Variants in FKBP6 observed in about 807,000 individuals in gnomAD.
The protein encoded by FKBP6 is inactive peptidyl-prolyl cis-trans isomerase FKBP6.
In FKBP6, 29 loss-of-function variants were observed where a neutral mutation model predicts 41.7. The observed-to-expected ratio is 0.70, with a 90% CI of 0.52 to 0.95. The LOEUF (loss-of-function observed/expected upper bound fraction) is 0.95. Among genes scored for constraint, FKBP6 ranks in the 40% least tolerant of loss-of-function variants. The probability of loss-of-function intolerance (pLI) is 0.00; values close to 1 mark genes in which losing one functional copy is unlikely to be tolerated. For missense variants in FKBP6, 338 were observed against 408.7 expected, an observed-to-expected ratio of 0.83 and a Z score of 1.49; for synonymous variants, 130 against 165.1, an observed-to-expected ratio of 0.79 and a Z score of 1.63.
rs1451400518 is a variant in FKBP6 at position 73,358,416 on chromosome 7, A to C, written c.*238A>C. On this transcript the variant is annotated 3_prime_UTR_variant, in exon 9 of 9. Coordinates refer to ENST00000252037, the MANE Select transcript of FKBP6 (RefSeq NM_003602.5). Reference sequence around the variant, plus strand: ...AGCTACTGACAAGTAGAACACTGCTACTTTTTTTAAGGCAGTTTCTTGTTT... The same window carrying C: ...AGCTACTGACAAGTAGAACACTGCTCCTTTTTTTAAGGCAGTTTCTTGTTT... 5 of 152,520 alleles carry C rather than the reference A, an allele frequency of 3.3e-5. No individual in the cohort carries two copies. Among genetic ancestry groups the C allele is most frequent in the Non-Finnish European group, 7.4e-5 (5 of 68,010 alleles). The allele number at this position is 152,520 out of a possible 1,614,324, so 9.4% of individuals were successfully genotyped here.
chr7:73,331,684 A>G lies in FKBP6; in HGVS notation c.496A>G (p.Lys166Glu). The G allele has an allele frequency of 3.7e-6, 6 of 1,613,334 alleles. No individual in the cohort carries two copies. The highest frequency in any genetic ancestry group is 5.1e-6 in the Non-Finnish European group (6 of 1,179,298). The part of the protein sequence containing the change: ...AEQQDQFPLQ[K>E]VLKVAATERE... ...GCAGCAAGACCAATTTCCACTTCAGAAGGTCCTGAAAGTGGCAGCTACGGA... is the reference window on the plus strand; with the variant it reads ...GCAGCAAGACCAATTTCCACTTCAGGAGGTCCTGAAAGTGGCAGCTACGGA... The change falls in exon 5 of 9, where the codon AAG (lysine) becomes GAG (glutamate). Residue 166 changes from lysine (K) to glutamate (E), a missense_variant. By Grantham distance (56) the Lys-to-Glu change is moderately conservative. Transcript: ENST00000252037.
At chr7:73,333,302 C>T (rs185420794) in intron 5 of FKBP6, among the ~76,000 whole-genome samples, 4 of 152,034 alleles carry the variant, frequency 2.6e-5, no homozygotes, top group East Asian at 1.9e-4. Flanking sequence ...ACCACACATG[C>T]GTGTGCTGTC....
chr7:73,342,523 C>G (rs1446835642), intron 7 of FKBP6, among the ~76,000 whole-genome samples: 1 of 152,136 alleles, frequency 6.6e-6, no homozygotes, highest in African/African-American at 2.4e-5. Flanking sequence ...GGTGAGGGGT[C>G]GTTTGGCGAG....
At chr7:73,331,186 T>C (rs1804829739) in intron 4 of FKBP6, among the ~76,000 whole-genome samples, 1 of 152,178 alleles carries the variant, frequency 6.6e-6, no homozygotes, top group Non-Finnish European at 1.5e-5. Context: ...GGGCAGAGCA[T>C]CATGACCATA....
At chr7:73,356,842 G>A (rs1019142650) in intron 8 of FKBP6, among the ~76,000 whole-genome samples, 25 of 152,202 alleles carry the variant, frequency 1.6e-4, no homozygotes, top group Admixed American at 1.4e-3. Context: ...GTACAGTGGC[G>A]TGATCTCGGC....
At chr7:73,335,837 T>G (rs1355782127) in intron 5 of FKBP6, among the ~76,000 whole-genome samples, 1 of 152,142 alleles carries the variant, frequency 6.6e-6, no homozygotes, top group African/African-American at 2.4e-5. Flanking sequence ...GTTGGAGTAC[T>G]ACCTGTCTTA....
intron 4 of FKBP6, among the ~76,000 whole-genome samples, chr7:73,331,372 AG>A (rs1198640917): frequency 6.6e-6 from 1 of 152,202 alleles, no homozygotes; most frequent in Non-Finnish European, 1.5e-5. Flanking sequence ...TTCTGGCTCT[AG>A]GGTGTAAAAT....
At chr7:73,340,949 G>C in intron 6 of FKBP6, 117 bp downstream of exon 6, 1 of 766,466 alleles carries the variant, frequency 1.3e-6, no homozygotes, top group Non-Finnish European at 2.1e-6. Flanking sequence ...TTTAGACAGA[G>C]TTTTGCTCTT....
intron 5 of FKBP6, among the ~76,000 whole-genome samples, chr7:73,337,956 G>A (rs1288866028): frequency 6.6e-6 from 1 of 152,262 alleles, no homozygotes; most frequent in Non-Finnish European, 1.5e-5. Flanking sequence ...GTGTCATTTT[G>A]TGGCTGTCTT....
chr7:73,337,154 G>A, intron 5 of FKBP6: 2 of 241,636 alleles, frequency 8.3e-6, no homozygotes, highest in South Asian at 4.6e-5. Flanking sequence ...GATGTGAATG[G>A]GAGCTGAATC....
At position 73,340,757 on chromosome 7, in the gene FKBP6, C is replaced by G; in HGVS notation, c.708C>G (p.Thr236=). 1 of 1,614,008 alleles carries G rather than the reference C, an allele frequency of 6.2e-7. No individual in the cohort carries two copies. The highest frequency in any genetic ancestry group is 8.5e-7 in the Non-Finnish European group (1 of 1,180,000). The change falls in exon 6 of 9, where the codon ACC becomes ACG. Residue 236 remains threonine, a synonymous_variant. Transcript: ENST00000252037. ...SFTYLKLDRP[T]IALCYGEQAL... ...CATACCTGAAGCTAGACCGACCCACCATAGCCCTGTGCTATGGAGAGCAGG... is the reference window on the plus strand; with the variant it reads ...CATACCTGAAGCTAGACCGACCCACGATAGCCCTGTGCTATGGAGAGCAGG...
intron 4 of FKBP6, 57 bp from the exon 5 acceptor site, chr7:73,331,600 A>G (rs1804844200): frequency 1.2e-6 from 2 of 1,605,470 alleles, no homozygotes; most frequent in South Asian, 2.2e-5. Context: ...TAACACTTCC[A>G]TTGTGGCATT....
At chr7:73,331,801 G>A (rs1804853603) in intron 5 of FKBP6, 25 bp downstream of exon 5, 2 of 1,607,094 alleles carry the variant, frequency 1.2e-6, no homozygotes, top group East Asian at 2.2e-5. Context: ...AAAGTTAAGT[G>A]TAAGTTTAGA....
Position 73,329,404 on chromosome 7 carries a change from T to A in FKBP6, c.220T>A (p.Ser74Thr). 6.2e-7 allele frequency: 1 copy of A among 1,609,860 alleles called. No individual in the cohort carries two copies. The highest frequency in any genetic ancestry group is 8.5e-7 in the Non-Finnish European group (1 of 1,176,112). ...GGAACACATGGACAGACCCTTCGAT[T>A]CTAATTACTTTAGGAAAACTCCTCG... ...YLEHMDRPFDSNYFRKTPRLM... is the reference protein window; with the variant it reads ...YLEHMDRPFDTNYFRKTPRLM... The change falls in exon 3 of 9, where the codon TCT (serine) becomes ACT (threonine). Residue 74 changes from serine (S) to threonine (T), a missense_variant. Ser to Thr is a moderately conservative substitution (Grantham distance 58). Coordinates refer to ENST00000252037, the MANE Select transcript of FKBP6 (RefSeq NM_003602.5).
At chr7:73,330,458 G>C (rs1174143379) in intron 4 of FKBP6, 106 bp downstream of exon 4, 2 of 873,542 alleles carry the variant, frequency 2.3e-6, no homozygotes, top group Non-Finnish European at 3.8e-6. Flanking sequence ...GTCCTCTCCA[G>C]GGTACCCCCG....
At chr7:73,338,767 ATCT>A (rs1211356823) in intron 5 of FKBP6, among the ~76,000 whole-genome samples, 3 of 152,180 alleles carry the variant, frequency 2.0e-5, no homozygotes, top group Admixed American at 1.3e-4. Context: ...CTATTTGTCT[ATCT>A]TCTTTGGAAA....
chr7:73,354,878 G>A (rs1360305661), intron 8 of FKBP6, among the ~76,000 whole-genome samples: 2 of 152,172 alleles, frequency 1.3e-5, no homozygotes, highest in African/African-American at 4.8e-5. Flanking sequence ...CTGGGGCTGC[G>A]AGGCAGGGCT....
chr7:73,329,821 A>G, intron 3 of FKBP6: 1 of 525,928 alleles, frequency 1.9e-6, no homozygotes. Context: ...ACTGACCTGC[A>G]CTCAGCTCAC....
chr7:73,341,500 GC>G, intron 7 of FKBP6, 118 bp downstream of exon 7: 1 of 759,924 alleles, frequency 1.3e-6, no homozygotes, highest in Non-Finnish European at 2.4e-6. Flanking sequence ...TTAGGAGGCC[GC>G]CCCCTCTACA....
Sources: gnomAD v4.1 joint callset for allele counts (sites outside exome capture counted in the v4.1 genomes callset) on GRCh38, gnomAD v4.1.1 for gene constraint, MANE v1.5 for transcripts, NCBI Gene and HGNC (gene_info 2026-07-23, HGNC 2026-07-21) for gene names.